EPHA6: variants seen among roughly 807,000 people sequenced by gnomAD.
EPHA6 encodes the protein ephrin type-A receptor 6.
EPHA6 carries 50 observed loss-of-function variants against 112.0 expected under a neutral mutation model. The observed-to-expected ratio is 0.45, with a 90% confidence interval of 0.36 to 0.56. The LOEUF (loss-of-function observed/expected upper bound fraction) is 0.56, where lower values mean the gene tolerates loss of function less well. Among genes scored for constraint, EPHA6 ranks in the 20% least tolerant of loss-of-function variants. The pLI is 0.00. For synonymous variants in EPHA6, 529 were observed against 490.7 expected (o/e 1.08, Z -1.03); for missense variants, 1,280 against 1,417.4 (o/e 0.90, Z 1.56).
intron 14 of EPHA6, among the ~76,000 whole-genome samples, chr3:97,677,538 T>G (rs1047104120): frequency 2.6e-5 from 4 of 151,684 alleles, no homozygotes; most frequent in Non-Finnish European, 2.9e-5. Flanking sequence ...CTAGCCAACA[T>G]GGCGAAACCT....
At chr3:97,738,461 A>T (rs2035367276) in intron 16 of EPHA6, among the ~76,000 whole-genome samples, 1 of 152,116 alleles carries the variant, frequency 6.6e-6, no homozygotes, top group South Asian at 2.1e-4. Context: ...TTCTTTTTGA[A>T]GAAAAGCAGA....
intron 3 of EPHA6, among the ~76,000 whole-genome samples, chr3:97,073,183 A>G (rs2046411874): frequency 6.6e-6 from 1 of 152,192 alleles, no homozygotes; most frequent in South Asian, 2.1e-4. Context: ...TATGATGTGT[A>G]CATCTGCCTT....
At chr3:97,095,715 G>A (rs141421793) in intron 3 of EPHA6, among the ~76,000 whole-genome samples, 2 of 151,692 alleles carry the variant, frequency 1.3e-5, no homozygotes, top group Non-Finnish European at 2.9e-5. Context: ...TAGAGCAGTA[G>A]TTCACAAACT....
chr3:97,203,426 A>G (rs530788265), intron 3 of EPHA6, among the ~76,000 whole-genome samples: 1 of 152,230 alleles, frequency 6.6e-6, no homozygotes, highest in East Asian at 1.9e-4. Context: ...GATGTGAATA[A>G]GGATTGTTTG....
At chr3:97,223,859 C>T (rs752871634) in intron 3 of EPHA6, among the ~76,000 whole-genome samples, 4 of 151,918 alleles carry the variant, frequency 2.6e-5, no homozygotes, top group Admixed American at 6.6e-5. Context: ...TTAATATGGT[C>T]GGAAATTATA....
At chr3:97,523,641 A>G (rs2092576996) in intron 10 of EPHA6, among the ~76,000 whole-genome samples, 1 of 151,924 alleles carries the variant, frequency 6.6e-6, no homozygotes, top group South Asian at 2.1e-4. Context: ...ACTGTATTAT[A>G]CTATTACTAT....
At chr3:96,913,760 A>G (rs1576015565) in intron 2 of EPHA6, among the ~76,000 whole-genome samples, 1 of 152,160 alleles carries the variant, frequency 6.6e-6, no homozygotes, top group Non-Finnish European at 1.5e-5. Flanking sequence ...TCTAAGCACC[A>G]TGAATAAGAC....
At chr3:97,556,765 C>T (rs890936756) in intron 11 of EPHA6, among the ~76,000 whole-genome samples, 4 of 151,930 alleles carry the variant, frequency 2.6e-5, no homozygotes, top group Non-Finnish European at 4.4e-5. Flanking sequence ...CATTGCATAA[C>T]TTTGTAAATC....
intron 15 of EPHA6, among the ~76,000 whole-genome samples, chr3:97,727,465 C>A (rs12633362): frequency 1.3e-5 from 2 of 151,944 alleles, no homozygotes; most frequent in Non-Finnish European, 2.9e-5. Flanking sequence ...AGTCTTTCAG[C>A]CAAGAATAGT....
At chr3:97,715,482 G>C (rs1467301879) in intron 14 of EPHA6, among the ~76,000 whole-genome samples, 1 of 152,178 alleles carries the variant, frequency 6.6e-6, no homozygotes, top group Non-Finnish European at 1.5e-5. Flanking sequence ...GAGATAGATT[G>C]AGAACAGAGC....
chr3:97,267,655 C>T (rs538591222), intron 5 of EPHA6, among the ~76,000 whole-genome samples: 1 of 152,176 alleles, frequency 6.6e-6, no homozygotes, highest in South Asian at 2.1e-4. Flanking sequence ...TTATTTTCCT[C>T]TTCTGACCCA....
rs181310397 is a variant in EPHA6 at position 96,946,181 on chromosome 3, T to A, written c.451-41149T>A. 2.0e-3 allele frequency among the ~76,000 whole-genome samples: 301 copies of A among 152,252 alleles called. 3 individuals are homozygous for A. The highest frequency in any genetic ancestry group is 1.4e-3 in the East Asian group (7 of 5,172). ...CTATATGATAGCTCATTTCTTTTTTTTTATTATTATACTTTAAGTTTTAGG... is the reference window on the plus strand; with the variant it reads ...CTATATGATAGCTCATTTCTTTTTTATTATTATTATACTTTAAGTTTTAGG... On this transcript the variant is annotated intron_variant, in intron 2 of 17. Coordinates refer to ENST00000389672, the MANE Select transcript of EPHA6 (RefSeq NM_001080448.3).
intron 3 of EPHA6, among the ~76,000 whole-genome samples, chr3:97,182,289 A>T (rs2077010112): frequency 6.7e-6 from 1 of 150,180 alleles, no homozygotes; most frequent in Non-Finnish European, 1.5e-5. Context: ...CTGACATTCC[A>T]TCAGAATGTT....
chr3:97,742,976 C>T (rs981430473), intron 16 of EPHA6, among the ~76,000 whole-genome samples: 1 of 152,086 alleles, frequency 6.6e-6, no homozygotes, highest in Admixed American at 6.6e-5. Flanking sequence ...TGCATTAAGT[C>T]AATGTGCTGT....
chr3:97,345,040 A>G (rs1482852016), intron 5 of EPHA6, among the ~76,000 whole-genome samples: 1 of 152,142 alleles, frequency 6.6e-6, no homozygotes, highest in African/African-American at 2.4e-5. Context: ...ACAGAAGTCA[A>G]ATTAAAAAGT....
intron 14 of EPHA6, among the ~76,000 whole-genome samples, chr3:97,685,886 T>C (rs1183052466): frequency 6.6e-6 from 1 of 152,156 alleles, no homozygotes; most frequent in East Asian, 1.9e-4. Context: ...AAATCTAAGA[T>C]TCATATCTAG....
At chr3:97,518,498 G>A (rs1380909674) in intron 10 of EPHA6, among the ~76,000 whole-genome samples, 1 of 151,754 alleles carries the variant, frequency 6.6e-6, no homozygotes, top group Non-Finnish European at 1.5e-5. Context: ...GTGATTGCTG[G>A]ATCATGTGGT....
chr3:97,110,323 A>C (rs1420972588), intron 3 of EPHA6, among the ~76,000 whole-genome samples: 1 of 152,142 alleles, frequency 6.6e-6, no homozygotes, highest in Middle Eastern at 3.2e-3. Context: ...ACCAGCCCAG[A>C]GTCGTACAGC....
intron 5 of EPHA6, among the ~76,000 whole-genome samples, chr3:97,316,970 A>C (rs187896400): frequency 6.6e-6 from 1 of 152,048 alleles, no homozygotes; most frequent in Non-Finnish European, 1.5e-5. Flanking sequence ...AAAGATATTA[A>C]TAAATAAATT....
Sources: allele counts gnomAD v4.1 joint callset (sites outside exome capture counted in the v4.1 genomes callset), GRCh38; gene constraint gnomAD v4.1.1; transcripts MANE v1.5; gene names NCBI Gene and HGNC (gene_info 2026-07-23, HGNC 2026-07-21).